Variants in DIP2B observed in about 807,000 individuals in gnomAD.
DIP2B encodes DIP2 acetate--CoA ligase B (putative).
A neutral mutation model predicts 198.0 loss-of-function variants in DIP2B; 76 were observed. The observed-to-expected ratio is 0.38, with a 90% CI of 0.32 to 0.46. The LOEUF (loss-of-function observed/expected upper bound fraction) is 0.46, where lower values mean the gene tolerates loss of function less well. Among genes scored for constraint, DIP2B ranks in the 20% least tolerant of loss-of-function variants. The probability of loss-of-function intolerance (pLI) is 0.99; values close to 1 mark genes in which losing one functional copy is unlikely to be tolerated. For synonymous variants in DIP2B, 701 were observed against 739.1 expected, an observed-to-expected ratio of 0.95 and a Z score of 0.84; for missense variants, 1,559 against 1,978.4, an observed-to-expected ratio of 0.79 and a Z score of 4.02.
intron 1 of DIP2B, among the ~76,000 whole-genome samples, chr12:50,591,633 T>G (rs1400067074): frequency 1.3e-5 from 2 of 151,792 alleles, no homozygotes; most frequent in East Asian, 3.9e-4. Context: ...TCTTTCTTTT[T>G]TTTTTTAATA....
intron 1 of DIP2B, among the ~76,000 whole-genome samples, chr12:50,578,156 G>A (rs1212555108): frequency 6.6e-6 from 1 of 151,438 alleles, no homozygotes; most frequent in Non-Finnish European, 1.5e-5. Flanking sequence ...GGACACAGAC[G>A]TGCACCACAG....
intron 1 of DIP2B, among the ~76,000 whole-genome samples, chr12:50,513,574 C>T (rs1416210711): frequency 6.6e-6 from 1 of 152,126 alleles, no homozygotes; most frequent in Non-Finnish European, 1.5e-5. Flanking sequence ...CTTTTAGTTC[C>T]TCTTTCAAAA....
chr12:50,535,487 C>T (rs2139368073), intron 1 of DIP2B, among the ~76,000 whole-genome samples: 1 of 151,894 alleles, frequency 6.6e-6, no homozygotes, highest in Admixed American at 6.6e-5. Flanking sequence ...CTCCCTCAGC[C>T]TGCCAAGTAG....
At chr12:50,592,438 T>C (rs551010075) in intron 1 of DIP2B, among the ~76,000 whole-genome samples, 6 of 152,190 alleles carry the variant, frequency 3.9e-5, no homozygotes, top group East Asian at 1.9e-4. Context: ...ATTATAGTTA[T>C]CAGCCACTGC....
chr12:50,568,523 C>G (rs1380550170), intron 1 of DIP2B, among the ~76,000 whole-genome samples: 2 of 152,144 alleles, frequency 1.3e-5, no homozygotes, highest in Non-Finnish European at 2.9e-5. Flanking sequence ...TGTGTGTGTT[C>G]CCTGTGCTGT....
chr12:50,513,883 A>AAG (rs1958040210), intron 1 of DIP2B, among the ~76,000 whole-genome samples: 1 of 151,498 alleles, frequency 6.6e-6, no homozygotes, highest in African/African-American at 2.4e-5. Context: ...CAAAAAAAAA[A>AAG]AAAAAAGTGT....
chr12:50,627,243 G>A (rs1177009256), intron 2 of DIP2B, among the ~76,000 whole-genome samples: 1 of 152,202 alleles, frequency 6.6e-6, no homozygotes, highest in African/African-American at 2.4e-5. Context: ...TCAGCAAGAG[G>A]TATAACTGTA....
chr12:50,629,908 A>C (rs1176986811), intron 2 of DIP2B, among the ~76,000 whole-genome samples: 1 of 145,262 alleles, frequency 6.9e-6, no homozygotes, highest in African/African-American at 2.6e-5. Flanking sequence ...AACCCCTATC[A>C]GTTTTCTGTT....
chr12:50,719,118 A>G, intron 25 of DIP2B, 83 bp downstream of exon 25: 1 of 1,448,792 alleles, frequency 6.9e-7, no homozygotes, highest in Non-Finnish European at 9.4e-7. Flanking sequence ...CTTTCATCAG[A>G]AAATTTCTGT....
intron 1 of DIP2B, among the ~76,000 whole-genome samples, chr12:50,511,053 C>A (rs1193220446): frequency 2.0e-5 from 3 of 149,634 alleles, no homozygotes; most frequent in Non-Finnish European, 4.4e-5. Flanking sequence ...TCAAGGGATT[C>A]TCCAGCCTCA....
At chr12:50,571,029 G>T (rs552847054) in intron 1 of DIP2B, among the ~76,000 whole-genome samples, 1 of 152,212 alleles carries the variant, frequency 6.6e-6, no homozygotes, top group Non-Finnish European at 1.5e-5. Flanking sequence ...TAATAACAAT[G>T]AAATTAAAAT....
At chr12:50,675,609 T>C (rs963210931) in intron 7 of DIP2B, among the ~76,000 whole-genome samples, 161 bp downstream of exon 7, 4 of 152,188 alleles carry the variant, frequency 2.6e-5, no homozygotes, top group African/African-American at 4.8e-5. Flanking sequence ...TTATCTGTAT[T>C]TTAGATCTTA....
chr12:50,649,848 T>A (rs1198121462), intron 3 of DIP2B, among the ~76,000 whole-genome samples: 1 of 151,766 alleles, frequency 6.6e-6, no homozygotes, highest in Non-Finnish European at 1.5e-5. Context: ...AGGGTGAGAC[T>A]TTGTCTCAAA....
At chr12:50,587,295 C>T (rs943200097) in intron 1 of DIP2B, among the ~76,000 whole-genome samples, 1 of 152,212 alleles carries the variant, frequency 6.6e-6, no homozygotes, top group Non-Finnish European at 1.5e-5. Flanking sequence ...CTTTTAGATT[C>T]TGTGGCTAGT....
intron 32 of DIP2B, among the ~76,000 whole-genome samples, chr12:50,732,977 C>G (rs913699522): frequency 6.6e-6 from 1 of 152,012 alleles, no homozygotes; most frequent in African/African-American, 2.4e-5. Flanking sequence ...GCAGTCTCAG[C>G]TTACTGCAAC....
chr12:50,631,269 C>T (rs1468229841), intron 2 of DIP2B, among the ~76,000 whole-genome samples: 1 of 151,982 alleles, frequency 6.6e-6, no homozygotes, highest in Non-Finnish European at 1.5e-5. Flanking sequence ...CCTCTGTCGC[C>T]AGGCTGGAGT....
At chr12:50,554,867 A>C (rs772554734) in intron 1 of DIP2B, among the ~76,000 whole-genome samples, 43 of 150,502 alleles carry the variant, frequency 2.9e-4, no homozygotes, top group Non-Finnish European at 2.8e-4. Flanking sequence ...TCCCAGGTTC[A>C]AGTGATTCCC....
chr12:50,526,644 TTTTTTTTTTG>T (rs1309530116), intron 1 of DIP2B, among the ~76,000 whole-genome samples: 1 of 138,550 alleles, frequency 7.2e-6, no homozygotes, highest in African/African-American at 2.7e-5. Flanking sequence ...TTTTTTTTTT[TTTTTTTTTTG>T]AGACAGAGTT....
intron 1 of DIP2B, among the ~76,000 whole-genome samples, chr12:50,524,838 C>T (rs1214199723): frequency 6.6e-6 from 1 of 152,206 alleles, no homozygotes; most frequent in Non-Finnish European, 1.5e-5. Context: ...AAGAGATCCT[C>T]CCCCTCAGCC....
Sources: allele counts gnomAD v4.1 joint callset (sites outside exome capture counted in the v4.1 genomes callset), GRCh38; gene constraint gnomAD v4.1.1; transcripts MANE v1.5; gene names NCBI Gene and HGNC (gene_info 2026-07-23, HGNC 2026-07-21).